Variants in MOCS1 observed in about 807,000 individuals in gnomAD.
The protein encoded by MOCS1 is molybdenum cofactor biosynthesis protein 1.
Under a neutral mutation model 57.6 loss-of-function variants are expected in MOCS1, and 39 were observed. That is an observed-to-expected ratio of 0.68 (90% confidence interval 0.52 to 0.88). The LOEUF is 0.88. MOCS1 is among the 40% of genes least tolerant of loss of function. The pLI, the probability that MOCS1 is intolerant of heterozygous loss-of-function variation, is 0.00. For synonymous variants in MOCS1, 334 were observed against 335.7 expected, an observed-to-expected ratio of 1.00 and a Z score of 0.05; for missense variants, 795 against 831.1, an observed-to-expected ratio of 0.96 and a Z score of 0.53.
In MOCS1 at chr6:39,905,117, C is replaced by T. The variant is rs1273691899; in HGVS notation, c.*1240G>A. 1 of 454,574 alleles carries T rather than the reference C, an allele frequency of 2.2e-6. No individual in the cohort carries two copies. The highest frequency in any genetic ancestry group is 4.4e-6 in the Non-Finnish European group (1 of 226,926). The allele number at this position is 454,574 out of a possible 1,614,324, so 28.2% of individuals were successfully genotyped here. A position where few individuals can be genotyped will look rare whatever the true frequency, so the allele number is the denominator to read the frequency against. On this transcript the variant is annotated 3_prime_UTR_variant, in exon 11 of 11. Transcript: ENST00000340692. ...ACCTTGGCATAGGGCAGAGGGGAGG[C>T]AGGCAGGGGGCACCACTGAGGACTC...
chr6:39,913,940 G>A lies in MOCS1; in HGVS notation c.584-105C>T, dbSNP rs545462744. ...CCATCTAGTCTGGAGATTGGCAAACGTTTTCTAAAACAGGCCAGAGTAATA... is the reference window on the plus strand; with the variant it reads ...CCATCTAGTCTGGAGATTGGCAAACATTTTCTAAAACAGGCCAGAGTAATA... On this transcript the variant is annotated intron_variant, in intron 4 of 10. Transcript: ENST00000340692. 9.7e-4 allele frequency: 1,151 copies of A among 1,189,798 alleles called. 1 individual carries two copies. Among genetic ancestry groups the A allele is most frequent in the Non-Finnish European group, 1.1e-3 (901 of 809,536 alleles). The allele number at this position is 1,189,798 out of a possible 1,614,324, so 73.7% of individuals were successfully genotyped here.
chr6:39,920,084 C>T (rs1484090886), intron 3 of MOCS1, among the ~76,000 whole-genome samples: 1 of 151,774 alleles, frequency 6.6e-6, no homozygotes, highest in East Asian at 1.9e-4. Context: ...TACGAAAGGA[C>T]AAAGAACCAA....
chr6:39,910,008 T>C, intron 8 of MOCS1, 53 bp from the exon 9 acceptor site: 1 of 1,607,040 alleles, frequency 6.2e-7, no homozygotes, highest in Non-Finnish European at 8.5e-7. Context: ...CTTGGCCTCC[T>C]GGCCTCTGAG....
At chr6:39,933,503 G>C (rs1256486721) in intron 1 of MOCS1, among the ~76,000 whole-genome samples, 2 of 152,066 alleles carry the variant, frequency 1.3e-5, no homozygotes, top group African/African-American at 4.8e-5. Flanking sequence ...CTAGTTCTGG[G>C]AGACGGGGAA....
At chr6:39,908,607 A>G (rs2149398417) in intron 10 of MOCS1, among the ~76,000 whole-genome samples, 1 of 152,330 alleles carries the variant, frequency 6.6e-6, no homozygotes, top group South Asian at 2.1e-4. Flanking sequence ...TGCCCAGCAC[A>G]GACGTCTGGC....
intron 9 of MOCS1, 55 bp downstream of exon 9, chr6:39,909,780 C>T: frequency 1.2e-6 from 2 of 1,606,058 alleles, no homozygotes. Context: ...ACACCTCCCT[C>T]CCAGGGACAA....
At position 39,912,896 on chromosome 6, in the gene MOCS1, G is replaced by A. The variant is rs745323677; in HGVS notation, c.866C>T (p.Ala289Val). The A allele has an allele frequency of 3.7e-6, 6 of 1,613,694 alleles. No homozygotes were observed. The East Asian group carries it at 1.3e-4, about 36-fold the overall frequency. Residue 289 changes from alanine (A) to valine (V), a missense_variant, in exon 7 of 11, where the codon GCC (alanine) becomes GTC (valine). By Grantham distance (64) the Ala-to-Val change is moderately conservative. This residue lies in a region of MOCS1 where 416 missense variants were observed against 392.4 expected (regional missense o/e 1.06). Coordinates refer to ENST00000340692, the MANE Select transcript of MOCS1 (RefSeq NM_001358530.2). ...CACACCCTCCTGCTCCCTAACCTTG[G>A]CTGTGCTGGATTCCTCCTCTGGCAC... ...EKVPEEESST[A>V]KAFKIPGFQG...
chr6:39,916,311 CTT>C, intron 3 of MOCS1, 79 bp from the exon 4 acceptor site: 1 of 1,568,432 alleles, frequency 6.4e-7, no homozygotes, highest in East Asian at 2.2e-5. Context: ...AGGCAAAACT[CTT>C]TGTCCAGACA....
chr6:39,934,299 G>C lies in MOCS1; in HGVS notation c.119C>G (p.Ser40Trp), dbSNP rs754757418. ...PCPGESARAA[S>W]EEVSRRRQFL... ...ACGCAGGCGGGGTGGGCTCACCTCCGAGGCAGCTCGCGCGGACTCCCCGGG... is the reference window on the plus strand; with the variant it reads ...ACGCAGGCGGGGTGGGCTCACCTCCCAGGCAGCTCGCGCGGACTCCCCGGG... Residue 40 changes from serine to tryptophan, a missense_variant, in exon 1 of 11, where the codon TCG becomes TGG. Coordinates refer to ENST00000340692, the MANE Select transcript of MOCS1 (RefSeq NM_001358530.2). 3 of 1,543,540 alleles carry C rather than the reference G, an allele frequency of 1.9e-6. No homozygotes were observed. Among genetic ancestry groups the C allele is most frequent in the East Asian group, 4.8e-5 (2 of 41,740 alleles).
intron 3 of MOCS1, among the ~76,000 whole-genome samples, chr6:39,920,988 G>T (rs965004610): frequency 6.9e-6 from 1 of 145,496 alleles, no homozygotes; most frequent in Non-Finnish European, 1.5e-5. Flanking sequence ...AAAAAAAAAA[G>T]GGGGGGGGAC....
intron 8 of MOCS1, among the ~76,000 whole-genome samples, 175 bp downstream of exon 8, chr6:39,912,089 T>C (rs766616864): frequency 2.0e-5 from 3 of 152,136 alleles, no homozygotes; most frequent in Admixed American, 1.3e-4. Flanking sequence ...AGAGGGGCCA[T>C]GAGTTCACCC....
At chr6:39,917,911 A>T (rs774061880) in intron 3 of MOCS1, among the ~76,000 whole-genome samples, 9 of 152,256 alleles carry the variant, frequency 5.9e-5, no homozygotes, top group Non-Finnish European at 1.3e-4. Context: ...GCATTCTTGA[A>T]GAGCTGGATA....
rs139070965 is a variant in MOCS1, at chr6:39,913,130, C to T, written c.758-126G>A. 715 of 939,528 alleles carry T rather than the reference C, an allele frequency of 7.6e-4. 7 individuals carry two copies. Among genetic ancestry groups the T allele is most frequent in the Admixed American group, 6.8e-3 (397 of 58,428 alleles). 58.2% of individuals were successfully genotyped at this position (939,528 alleles called of 1,614,324 possible). On this transcript the variant is annotated intron_variant, in intron 6 of 10. Transcript: ENST00000340692. ...TCTCCAGCCTCTTGGAAGGGAGGGA[C>T]GGGGGCTCTGCCTAAAACTGGTGGA... is the stretch of plus-strand genomic sequence containing the variant.
At chr6:39,920,594 C>T (rs542473823) in intron 3 of MOCS1, among the ~76,000 whole-genome samples, 5 of 152,312 alleles carry the variant, frequency 3.3e-5, no homozygotes, top group Non-Finnish European at 7.4e-5. Flanking sequence ...TAACATTATG[C>T]ATTTTACTTG....
chr6:39,931,258 C>A (rs1337508522), intron 1 of MOCS1, among the ~76,000 whole-genome samples: 4 of 152,186 alleles, frequency 2.6e-5, no homozygotes, highest in East Asian at 3.9e-4. Context: ...ACCCTGCCCT[C>A]AAGGTGCCCT....
At position 39,905,926 on chromosome 6, in the gene MOCS1, TC is replaced by T. The variant is rs1562080821; in HGVS notation, c.*430del. 1 of 464,208 alleles carries T rather than the reference TC, an allele frequency of 2.2e-6. No homozygotes were observed. Among genetic ancestry groups the T allele is most frequent in the East Asian group, 7.1e-5 (1 of 14,118 alleles). The allele number at this position is 464,208 out of a possible 1,614,324, so 28.8% of individuals were successfully genotyped here. The stretch of plus-strand genomic sequence containing the variant: ...CTTCAGGCAAGCTTGTGCTTTGCTC[TC>T]CTCAAAGTGGGCTCCTCTGCTTAAT... On this transcript the variant is annotated 3_prime_UTR_variant, in exon 11 of 11. Transcript: ENST00000340692.
chr6:39,911,266 T>A (rs1161879562), intron 8 of MOCS1, among the ~76,000 whole-genome samples: 1 of 152,156 alleles, frequency 6.6e-6, no homozygotes, highest in Non-Finnish European at 1.5e-5. Context: ...TGCTGGATGG[T>A]TCCTTTTGGA....
chr6:39,909,354 G>T lies in MOCS1; in HGVS notation c.1103-252C>A, dbSNP rs570692920. Among the ~76,000 whole-genome samples, 22 of 151,050 alleles carry T rather than the reference G, an allele frequency of 1.5e-4. 2 individuals carry two copies. In the South Asian group the frequency reaches 4.7e-3, roughly 32 times the overall value. Reference sequence around the variant, plus strand: ...AGAGGGAGAGGAAAGCAGGGGAGCGGGAGAGGGACAGGGCGGGGAGAGGAG... The same window carrying T: ...AGAGGGAGAGGAAAGCAGGGGAGCGTGAGAGGGACAGGGCGGGGAGAGGAG... On this transcript the variant is annotated intron_variant, in intron 9 of 10. Transcript: ENST00000340692.
rs1170498126 is a variant in MOCS1, at chr6:39,912,837, A to C, written c.870+55T>G. The C allele has an allele frequency of 9.0e-6, 12 of 1,338,942 alleles. No homozygotes were observed. In the East Asian group the frequency reaches 2.8e-4, roughly 31 times the overall value. 82.9% of individuals were successfully genotyped at this position (1,338,942 alleles called of 1,614,324 possible). On this transcript the variant is annotated intron_variant, in intron 7 of 10. Coordinates refer to ENST00000340692, the MANE Select transcript of MOCS1 (RefSeq NM_001358530.2). Reference sequence around the variant, plus strand: ...CAGCTCCCTGCTAGCTCTCCATCCTAGGGTGGAGGTACGACCTTCCTCCAG... The same window carrying C: ...CAGCTCCCTGCTAGCTCTCCATCCTCGGGTGGAGGTACGACCTTCCTCCAG...
Sources: gnomAD v4.1 joint callset for allele counts (sites outside exome capture counted in the v4.1 genomes callset) on GRCh38, gnomAD v4.1.1 for gene constraint, gnomAD v4.1.1 regional missense constraint, MANE v1.5 for transcripts, NCBI Gene and HGNC (gene_info 2026-07-23, HGNC 2026-07-21) for gene names.